CFAP61: variants seen among roughly 807,000 people sequenced by gnomAD.
CFAP61 encodes cilia and flagella associated protein 61.
Under a neutral mutation model 135.6 loss-of-function variants are expected in CFAP61, and 107 were observed. The observed-to-expected ratio is 0.79, with a 90% CI of 0.67 to 0.93. CFAP61 has a LOEUF of 0.93. Among genes scored for constraint, CFAP61 ranks in the 40% least tolerant of loss-of-function variants. The pLI, the probability that CFAP61 is intolerant of heterozygous loss-of-function variation, is 0.00. For synonymous variants in CFAP61, 575 were observed against 578.5 expected, an observed-to-expected ratio of 0.99 and a Z score of 0.09; for missense variants, 1,507 against 1,556.2, an observed-to-expected ratio of 0.97 and a Z score of 0.53.
chr20:20,200,089 C>T (rs1169101396), intron 17 of CFAP61, among the ~76,000 whole-genome samples, 187 bp downstream of exon 17: 2 of 152,178 alleles, frequency 1.3e-5, no homozygotes, highest in Non-Finnish European at 2.9e-5. Context: ...CGTTATTTCC[C>T]GGGAAGCCTA....
At chr20:20,147,188 G>A (rs2051962693) in intron 9 of CFAP61, among the ~76,000 whole-genome samples, 1 of 152,174 alleles carries the variant, frequency 6.6e-6, no homozygotes, top group Admixed American at 6.5e-5. Flanking sequence ...TGCAATTGCA[G>A]ATTGTCCTGC....
chr20:20,249,373 CA>C (rs111910616), intron 19 of CFAP61, among the ~76,000 whole-genome samples: 71 of 144,344 alleles, frequency 4.9e-4, no homozygotes, highest in African/African-American at 1.1e-3. Flanking sequence ...CCCATTTCTA[CA>C]AAAAAAAAAA....
chr20:20,129,617 GTT>G (rs200616337), intron 8 of CFAP61, among the ~76,000 whole-genome samples: 1 of 139,638 alleles, frequency 7.2e-6, no homozygotes. Context: ...ATTTTGGAAA[GTT>G]TTTTTTTTTT....
At chr20:20,252,469 C>T (rs1304999444) in intron 20 of CFAP61, among the ~76,000 whole-genome samples, 4 of 152,214 alleles carry the variant, frequency 2.6e-5, no homozygotes, top group Non-Finnish European at 5.9e-5. Flanking sequence ...TTGTGAAACC[C>T]ATGGCCCATG....
intron 15 of CFAP61, among the ~76,000 whole-genome samples, chr20:20,193,560 A>G (rs1353283751): frequency 6.6e-6 from 1 of 151,994 alleles, no homozygotes; most frequent in Admixed American, 6.6e-5. Context: ...ATTGGTCCTC[A>G]TACTTGTATA....
intron 17 of CFAP61, among the ~76,000 whole-genome samples, chr20:20,210,156 C>T (rs2047529433): frequency 6.6e-6 from 1 of 152,180 alleles, no homozygotes; most frequent in Non-Finnish European, 1.5e-5. Flanking sequence ...GTAGAGTCTC[C>T]CTTGTGAGGC....
intron 8 of CFAP61, among the ~76,000 whole-genome samples, chr20:20,104,235 C>T (rs886592465): frequency 3.3e-5 from 5 of 152,020 alleles, no homozygotes; most frequent in East Asian, 3.9e-4. Context: ...TAAAACATCG[C>T]AATATTGCCT....
chr20:20,272,134 T>C (rs1359124508), intron 21 of CFAP61, among the ~76,000 whole-genome samples: 3 of 152,242 alleles, frequency 2.0e-5, no homozygotes, highest in Admixed American at 6.5e-5. Flanking sequence ...ACTGAAGTTT[T>C]CCGGCTTATT....
chr20:20,161,548 G>A (rs76613033), intron 10 of CFAP61, among the ~76,000 whole-genome samples: 1,860 of 152,340 alleles, frequency 0.012, 22 homozygotes, highest in Non-Finnish European at 0.017. Context: ...TATGGGAGGA[G>A]AGACTGGTGA....
At chr20:20,306,904 G>C (rs990794885) in intron 25 of CFAP61, among the ~76,000 whole-genome samples, 1 of 152,174 alleles carries the variant, frequency 6.6e-6, no homozygotes, top group Non-Finnish European at 1.5e-5. Context: ...AATGTGAACC[G>C]TACATGAAAC....
intron 20 of CFAP61, among the ~76,000 whole-genome samples, chr20:20,261,739 C>CT (rs1569208747): frequency 6.6e-6 from 1 of 152,098 alleles, no homozygotes; most frequent in Non-Finnish European, 1.5e-5. Context: ...TCTGGCCATA[C>CT]TGGATCCATA....
intron 22 of CFAP61, among the ~76,000 whole-genome samples, chr20:20,284,951 T>C (rs1350932008): frequency 6.6e-6 from 1 of 152,244 alleles, no homozygotes; most frequent in African/African-American, 2.4e-5. Context: ...TAAATGAGCT[T>C]CAGAGCATTT....
intron 13 of CFAP61, among the ~76,000 whole-genome samples, chr20:20,180,725 A>G (rs1053228564): frequency 6.6e-6 from 1 of 152,194 alleles, no homozygotes; most frequent in African/African-American, 2.4e-5. Flanking sequence ...TTGCAGCACT[A>G]TTCACAATAG....
chr20:20,073,125 AT>A (rs1479697081), intron 3 of CFAP61, among the ~76,000 whole-genome samples: 1 of 152,226 alleles, frequency 6.6e-6, no homozygotes, highest in Admixed American at 6.5e-5. Flanking sequence ...GGAAGAGAGA[AT>A]TTGGGAGACA....
intron 17 of CFAP61, among the ~76,000 whole-genome samples, chr20:20,203,121 C>T (rs982329717): frequency 2.0e-5 from 3 of 152,142 alleles, no homozygotes; most frequent in African/African-American, 7.2e-5. Flanking sequence ...GTCCCGGCCA[C>T]AACACCTTCC....
chr20:20,322,186 C>T (rs1183302735), intron 25 of CFAP61, among the ~76,000 whole-genome samples: 19 of 152,144 alleles, frequency 1.2e-4, no homozygotes, highest in Admixed American at 1.2e-3. Context: ...CCCAGTCACT[C>T]ATTGTTCCAT....
At chr20:20,170,120 G>A (rs2054118900) in intron 13 of CFAP61, among the ~76,000 whole-genome samples, 1 of 152,184 alleles carries the variant, frequency 6.6e-6, no homozygotes, top group Non-Finnish European at 1.5e-5. Flanking sequence ...GTGGTACTGA[G>A]CATGGAACAT....
chr20:20,169,240 T>C lies in CFAP61; in HGVS notation c.1246-81T>C. On this transcript the variant is annotated intron_variant, in intron 12 of 26. Transcript: ENST00000245957. ...AATCAACACATTTTGCTTCTATTTT[T>C]CTTGGTGTTTTTTAGAGGAATTTGT... is the stretch of plus-strand genomic sequence containing the variant. 4 of 1,363,002 alleles carry C rather than the reference T, an allele frequency of 2.9e-6. No individual in the cohort carries two copies. The South Asian group carries it at 4.4e-5, about 15-fold the overall frequency. The allele number at this position is 1,363,002 out of a possible 1,614,324, so 84.4% of individuals were successfully genotyped here. A position where few individuals can be genotyped will look rare whatever the true frequency, so the allele number is the denominator to read the frequency against.
chr20:20,347,197 A>T (rs1308052323), intron 26 of CFAP61, among the ~76,000 whole-genome samples: 1 of 152,246 alleles, frequency 6.6e-6, no homozygotes, highest in Admixed American at 6.5e-5. Flanking sequence ...AAATGCTAAT[A>T]GATGAATGAA....
Sources: gnomAD v4.1 joint callset for allele counts (sites outside exome capture counted in the v4.1 genomes callset) on GRCh38, gnomAD v4.1.1 for gene constraint, MANE v1.5 for transcripts, NCBI Gene and HGNC (gene_info 2026-07-23, HGNC 2026-07-21) for gene names.